MEAK7: variants seen among roughly 807,000 people sequenced by gnomAD.
MEAK7 encodes the protein MTOR associated protein MEAK7.
In MEAK7, 68 loss-of-function variants were observed where a neutral mutation model predicts 40.5. The observed-to-expected ratio is 1.68, with a 90% confidence interval of 1.38 to 2.06. The LOEUF is 2.06. Ranked by LOEUF, MEAK7 falls within the 30% of genes most tolerant of loss-of-function variation. The pLI, the probability that MEAK7 is intolerant of heterozygous loss-of-function variation, is 0.00. For synonymous variants in MEAK7, 338 were observed against 231.9 expected, an observed-to-expected ratio of 1.46 and a Z score of -4.16; for missense variants, 918 against 580.5, an observed-to-expected ratio of 1.58 and a Z score of -5.98.
At chr16:84,496,209 G>A (rs1044335810) in intron 2 of MEAK7, among the ~76,000 whole-genome samples, 3 of 152,092 alleles carry the variant, frequency 2.0e-5, no homozygotes, top group African/African-American at 4.8e-5. Flanking sequence ...ATATCCCCAC[G>A]TGTATAGAAC....
chr16:84,489,127 T>G (rs1169100081), intron 4 of MEAK7, 151 bp downstream of exon 4: 1 of 1,051,556 alleles, frequency 9.5e-7, no homozygotes, highest in East Asian at 2.9e-5. Flanking sequence ...AGGATTATTT[T>G]AAAATATGCC....
chr16:84,481,495 G>A (rs939298223), intron 6 of MEAK7, among the ~76,000 whole-genome samples: 10 of 152,226 alleles, frequency 6.6e-5, no homozygotes, highest in Non-Finnish European at 1.3e-4. Context: ...TCCAGAAGGT[G>A]CCAGGTGTTC....
intron 5 of MEAK7, among the ~76,000 whole-genome samples, chr16:84,485,327 C>T (rs150224598): frequency 6.6e-6 from 1 of 152,310 alleles, no homozygotes; most frequent in Non-Finnish European, 1.5e-5. Context: ...AAATCAAACC[C>T]TAGAAACAAT....
In MEAK7 at chr16:84,492,569, T is replaced by TTTTATTTATTGA. The variant is rs1913710788; in HGVS notation, c.384+3113_384+3114insTCAATAAATAAA. On this transcript the variant is annotated intron_variant, in intron 3 of 7. Coordinates refer to ENST00000343629, the MANE Select transcript of MEAK7 (RefSeq NM_020947.4). ...TTATTTTGTGATATCAAGTGTTTTATTTTATTTATTTATTTATTTATTTAT... is the reference window on the plus strand; with the variant it reads ...TTATTTTGTGATATCAAGTGTTTTATTTTATTTATTGATTTATTTATTTATTTATTTATTTAT... Among the ~76,000 whole-genome samples, 4 of 146,702 alleles carry TTTTATTTATTGA rather than the reference T, an allele frequency of 2.7e-5. No homozygotes were observed. The South Asian group carries it at 8.7e-4, about 32-fold the overall frequency.
At chr16:84,497,354 C>T (rs899660252) in intron 2 of MEAK7, 6 of 1,198,446 alleles carry the variant, frequency 5.0e-6, no homozygotes, top group South Asian at 1.4e-5. Flanking sequence ...CAAGATGAGC[C>T]TTGAATCTAA....
At chr16:84,489,477 T>C (rs1409685539) in intron 3 of MEAK7, 55 bp from the exon 4 acceptor site, 5 of 1,527,358 alleles carry the variant, frequency 3.3e-6, no homozygotes, top group East Asian at 4.7e-5. Flanking sequence ...CTGAGACCTA[T>C]GTCATGCCCA....
At chr16:84,485,383 T>C (rs1912942906) in intron 5 of MEAK7, among the ~76,000 whole-genome samples, 1 of 152,172 alleles carries the variant, frequency 6.6e-6, no homozygotes, top group Non-Finnish European at 1.5e-5. Flanking sequence ...TGGTGACCCC[T>C]GCTACCTATT....
At chr16:84,490,653 G>GGTGTGT (rs571630201) in intron 3 of MEAK7, among the ~76,000 whole-genome samples, 2,775 of 104,442 alleles carry the variant, frequency 0.027, 95 homozygotes, top group East Asian at 0.045. Flanking sequence ...AGCTAATCAA[G>GGTGTGT]ATGTGTGTGT....
intron 1 of MEAK7, among the ~76,000 whole-genome samples, chr16:84,503,022 C>G (rs1914626675): frequency 6.6e-6 from 1 of 152,184 alleles, no homozygotes. Context: ...AAAAAACCCA[C>G]AAAACCACTC....
intron 3 of MEAK7, among the ~76,000 whole-genome samples, chr16:84,492,240 T>A (rs1195784315): frequency 6.6e-6 from 1 of 152,210 alleles, no homozygotes; most frequent in Non-Finnish European, 1.5e-5. Flanking sequence ...CACCAGCATC[T>A]GGGTCCTTGT....
intron 1 of MEAK7, among the ~76,000 whole-genome samples, chr16:84,502,211 G>C (rs1282560241): frequency 1.3e-5 from 2 of 152,124 alleles, no homozygotes; most frequent in East Asian, 3.9e-4. Context: ...GCTTGTACCA[G>C]TGGAGCTCGA....
At chr16:84,480,107 C>G (rs1028252065) in intron 7 of MEAK7, 81 bp from the exon 8 acceptor site, 2 of 1,174,926 alleles carry the variant, frequency 1.7e-6, no homozygotes, top group Non-Finnish European at 2.4e-6. Flanking sequence ...TTCCAGCCTT[C>G]TTGGGTGGAA....
chr16:84,485,629 A>ACTAT lies in MEAK7; in HGVS notation c.958+998_958+1001dup, dbSNP rs150947283. On this transcript the variant is annotated intron_variant, in intron 5 of 7. Coordinates refer to ENST00000343629, the MANE Select transcript of MEAK7 (RefSeq NM_020947.4). ...CGACGCATCTGTAAACATTTCAAAAACTATCTATCTATCCATCCATCCATC... is the reference window on the plus strand; with the variant it reads ...CGACGCATCTGTAAACATTTCAAAAACTATCTATCTATCTATCCATCCATCCATC... Among the ~76,000 whole-genome samples the ACTAT allele has an allele frequency of 5.7e-3, 822 of 144,562 alleles. 3 individuals carry two copies. Among genetic ancestry groups the ACTAT allele is most frequent in the Non-Finnish European group, 9.1e-3 (579 of 63,868 alleles). The allele number at this position is 144,562 out of a possible 152,430, so 94.8% of individuals were successfully genotyped here.
Position 84,495,717 on chromosome 16 carries a change from G to C in MEAK7, c.350C>G (p.Thr117Arg), listed in dbSNP as rs371113162. 2 of 1,614,124 alleles carry C rather than the reference G, an allele frequency of 1.2e-6. No individual in the cohort carries two copies. The highest frequency in any genetic ancestry group is 1.7e-6 in the Non-Finnish European group (2 of 1,180,042). The change falls in exon 3 of 8, where the codon ACA becomes AGA. Residue 117 changes from threonine to arginine, a missense_variant. Coordinates refer to ENST00000343629, the MANE Select transcript of MEAK7 (RefSeq NM_020947.4). ...SLMIMKMISA[T>R]EGPVKAREVQ... Reference sequence around the variant, plus strand: ...TTCTCTGGCCTTCACGGGACCTTCTGTGGCAGAAATCATTTTCATAATCAT... The same window carrying C: ...TTCTCTGGCCTTCACGGGACCTTCTCTGGCAGAAATCATTTTCATAATCAT...
chr16:84,500,437 C>T (rs925427347), intron 1 of MEAK7, among the ~76,000 whole-genome samples: 11 of 152,218 alleles, frequency 7.2e-5, no homozygotes, highest in African/African-American at 1.9e-4. Flanking sequence ...TCCACACCCC[C>T]ACTAAAGCGA....
intron 4 of MEAK7, among the ~76,000 whole-genome samples, chr16:84,488,764 T>C (rs1016137847): frequency 6.6e-6 from 1 of 151,952 alleles, no homozygotes; most frequent in Non-Finnish European, 1.5e-5. Context: ...ACATAACCTA[T>C]CAAAACTTAT....
rs369433450 is a variant in MEAK7, at chr16:84,485,092, C to T, written c.958+1539G>A. Reference sequence around the variant, plus strand: ...AGAGCAATGTGTAATTTCCCCGGAGCCCGAGGCTGGGCTGGTGGGCACATG... The same window carrying T: ...AGAGCAATGTGTAATTTCCCCGGAGTCCGAGGCTGGGCTGGTGGGCACATG... On this transcript the variant is annotated intron_variant, in intron 5 of 7. Transcript: ENST00000343629. Among the ~76,000 whole-genome samples, 17 of 152,278 alleles carry T rather than the reference C, an allele frequency of 1.1e-4. No individual in the cohort carries two copies. In the East Asian group the frequency reaches 1.7e-3, roughly 16 times the overall value.
At chr16:84,499,713 G>A (rs946638487) in intron 1 of MEAK7, among the ~76,000 whole-genome samples, 5 of 152,114 alleles carry the variant, frequency 3.3e-5, no homozygotes, top group East Asian at 1.9e-4. Context: ...CTGTCCTGAT[G>A]CATTTCTGTA....
rs143367748 is a variant in MEAK7 at position 84,504,042 on chromosome 16, G to A, written c.-26+559C>T. 8.5e-4 allele frequency: 838 copies of A among 985,540 alleles called. 8 individuals are homozygous for A. In the African/African-American group the frequency reaches 0.014, roughly 16 times the overall value. 61.0% of individuals were successfully genotyped at this position (985,540 alleles called of 1,614,324 possible). A position where few individuals can be genotyped will look rare whatever the true frequency, so the allele number is the denominator to read the frequency against. On this transcript the variant is annotated intron_variant, in intron 1 of 7. Coordinates refer to ENST00000343629, the MANE Select transcript of MEAK7 (RefSeq NM_020947.4). Reference sequence around the variant, plus strand: ...TGTCTCAGAGCCCAGAGGCCCTTGTGCGAAGGGGCAGCTTGAGCCTGGGCA... The same window carrying A: ...TGTCTCAGAGCCCAGAGGCCCTTGTACGAAGGGGCAGCTTGAGCCTGGGCA...
Sources: allele counts gnomAD v4.1 joint callset (sites outside exome capture counted in the v4.1 genomes callset), GRCh38; gene constraint gnomAD v4.1.1; transcripts MANE v1.5; gene names NCBI Gene and HGNC (gene_info 2026-07-23, HGNC 2026-07-21).